The following SRD5A2 variants were observed in gnomAD, a reference collection of about 807,000 sequenced individuals.
The protein encoded by SRD5A2 is 3-oxo-5-alpha-steroid 4-dehydrogenase 2.
A neutral mutation model predicts 27.4 loss-of-function variants in SRD5A2; 30 were observed. The observed-to-expected ratio is 1.10, with a 90% confidence interval of 0.82 to 1.49. The LOEUF (loss-of-function observed/expected upper bound fraction) is 1.49, where lower values mean the gene tolerates loss of function less well. Among genes scored for constraint, SRD5A2 ranks in the 40% most tolerant of loss-of-function variants. The pLI, the probability that SRD5A2 is intolerant of heterozygous loss-of-function variation, is 0.00. For missense variants in SRD5A2, 348 were observed against 323.4 expected, an observed-to-expected ratio of 1.08 and a Z score of -0.58; for synonymous variants, 141 against 133.6, an observed-to-expected ratio of 1.06 and a Z score of -0.38.
intron 2 of SRD5A2, among the ~76,000 whole-genome samples, chr2:31,533,119 A>G (rs1314995809): frequency 1.3e-5 from 2 of 152,202 alleles, no homozygotes; most frequent in African/African-American, 4.8e-5. Context: ...TTATATGTGT[A>G]GCCCAAGGCA....
the SRD5A2 span, among the ~76,000 whole-genome samples, chr2:31,591,745 TA>T: frequency 1 from 79,015 of 79,016 alleles, 39,507 homozygotes; most frequent in Middle Eastern, 1. Flanking sequence ...CAACATGGAA[TA>T]ACTACGCGCC....
intron 1 of SRD5A2, among the ~76,000 whole-genome samples, chr2:31,545,078 G>GAA (rs80207853): frequency 6.7e-6 from 1 of 148,574 alleles, no homozygotes; most frequent in South Asian, 2.1e-4. Context: ...ATCTCATAAT[G>GAA]AAAAAAAAAG....
the SRD5A2 span, among the ~76,000 whole-genome samples, chr2:31,640,889 C>T: frequency 6.6e-6 from 1 of 151,972 alleles, no homozygotes; most frequent in East Asian, 1.9e-4. Context: ...GCCAGGGAAC[C>T]CAAAAAGGTG....
chr2:31,578,622 T>G (rs983440248), intron 1 of SRD5A2, among the ~76,000 whole-genome samples: 1 of 152,102 alleles, frequency 6.6e-6, no homozygotes, highest in Non-Finnish European at 1.5e-5. Flanking sequence ...AAGACAAACA[T>G]CAGATCCCGA....
chr2:31,591,994 G>T, the SRD5A2 span, among the ~76,000 whole-genome samples: 8 of 148,244 alleles, frequency 5.4e-5, no homozygotes, highest in Non-Finnish European at 1.0e-4. Context: ...GTTAAATGAC[G>T]AGTTAATGGG....
chr2:31,580,929 G>A lies in SRD5A2; in HGVS notation c.-29C>T. The A allele has an allele frequency of 2.5e-6, 4 of 1,583,504 alleles. No individual in the cohort carries two copies. Among genetic ancestry groups the A allele is most frequent in the South Asian group, 2.2e-5 (2 of 90,118 alleles). ...GCCGTGTTCCTCGCCGGTGGCCGCT[G>A]CCCTCCCAGAAGAGAGCGCGGCCCC... On this transcript the variant is annotated 5_prime_UTR_variant, in exon 1 of 5. Transcript: ENST00000622030.
At chr2:31,626,670 G>A in the SRD5A2 span, among the ~76,000 whole-genome samples, 1 of 152,108 alleles carries the variant, frequency 6.6e-6, no homozygotes, top group African/African-American at 2.4e-5. Context: ...ATTGATCTGA[G>A]TATGTTGAAC....
chr2:31,619,890 ATC>A, the SRD5A2 span, among the ~76,000 whole-genome samples: 1 of 151,990 alleles, frequency 6.6e-6, no homozygotes, highest in Admixed American at 6.6e-5. Flanking sequence ...TCTTCAGGTT[ATC>A]TGTTTATTCT....
intron 1 of SRD5A2, among the ~76,000 whole-genome samples, chr2:31,546,522 C>G (rs202238248): frequency 0.17 from 1 of 6 alleles, no homozygotes; most frequent in African/African-American, 0.5. Flanking sequence ...TTATTCAAAG[C>G]CAAATTAATA....
At chr2:31,643,014 C>CCTCCCA in the SRD5A2 span, among the ~76,000 whole-genome samples, 1 of 152,000 alleles carries the variant, frequency 6.6e-6, no homozygotes, top group Non-Finnish European at 1.5e-5. Flanking sequence ...AAATAGTTAT[C>CCTCCCA]TGGGCAGGAG....
intron 1 of SRD5A2, among the ~76,000 whole-genome samples, chr2:31,550,823 C>A (rs867780480): frequency 6.6e-6 from 1 of 151,826 alleles, no homozygotes; most frequent in Non-Finnish European, 1.5e-5. Flanking sequence ...GTGAACAAGA[C>A]AAAGATGTGC....
chr2:31,571,106 A>G (rs913536332), intron 1 of SRD5A2, among the ~76,000 whole-genome samples: 2 of 152,216 alleles, frequency 1.3e-5, no homozygotes, highest in African/African-American at 4.8e-5. Context: ...GCACCACATT[A>G]CCTGACTTCA....
intron 1 of SRD5A2, among the ~76,000 whole-genome samples, chr2:31,546,731 C>T (rs2148075753): frequency 6.6e-6 from 1 of 152,244 alleles, no homozygotes; most frequent in East Asian, 1.9e-4. Flanking sequence ...TACACCACAC[C>T]TCAGCAACGT....
intron 1 of SRD5A2, among the ~76,000 whole-genome samples, chr2:31,543,551 T>G (rs1666180812): frequency 6.6e-6 from 1 of 152,190 alleles, no homozygotes; most frequent in Non-Finnish European, 1.5e-5. Flanking sequence ...AAGAGTTTAA[T>G]GCATTTCAAG....
At chr2:31,558,248 G>GTT (rs1301333755) in intron 1 of SRD5A2, among the ~76,000 whole-genome samples, 4 of 152,196 alleles carry the variant, frequency 2.6e-5, no homozygotes, top group African/African-American at 7.2e-5. Context: ...CTAGTAACAG[G>GTT]AGACCTATTT....
chr2:31,529,807 C>G (rs2148063918), intron 3 of SRD5A2, among the ~76,000 whole-genome samples: 1 of 152,250 alleles, frequency 6.6e-6, no homozygotes, highest in South Asian at 2.1e-4. Context: ...TTTTGGGCCA[C>G]CTCTTACCTC....
chr2:31,646,345 G>A, the SRD5A2 span, among the ~76,000 whole-genome samples: 4 of 152,092 alleles, frequency 2.6e-5, no homozygotes, highest in Non-Finnish European at 5.9e-5. Context: ...GGATCTCATG[G>A]TTGCATTAGG....
In SRD5A2 at chr2:31,545,989, G is replaced by C. The variant is rs28745298; in HGVS notation, c.282-12223C>G. Among the ~76,000 whole-genome samples the C allele has an allele frequency of 5.8e-3, 878 of 151,898 alleles. 5 individuals carry two copies. The highest frequency in any genetic ancestry group is 7.9e-3 in the Non-Finnish European group (539 of 67,886). On this transcript the variant is annotated intron_variant, in intron 1 of 4. Coordinates refer to ENST00000622030, the MANE Select transcript of SRD5A2 (RefSeq NM_000348.4). ...AGCATCAAAACAAATAAAATACTTA[G>C]GAATTAACTAAAGACGTGAAAGACT...
chr2:31,584,547 C>T (rs921574628), upstream of SRD5A2, among the ~76,000 whole-genome samples: 2 of 152,142 alleles, frequency 1.3e-5, no homozygotes, highest in Admixed American at 6.5e-5. Context: ...TTCAAGGTTA[C>T]GTAAGCTACC....
Sources: allele counts gnomAD v4.1 joint callset (sites outside exome capture counted in the v4.1 genomes callset), GRCh38; gene constraint gnomAD v4.1.1; transcripts MANE v1.5; gene names NCBI Gene and HGNC (gene_info 2026-07-23, HGNC 2026-07-21).